The following CABIN1 variants were observed in gnomAD, a reference collection of about 807,000 sequenced individuals.
The protein encoded by CABIN1 is calcineurin binding protein 1, also known as calcineurin-binding protein cabin-1.
A neutral mutation model predicts 227.7 loss-of-function variants in CABIN1; 133 were observed. The ratio of observed to expected loss-of-function variants is 0.58; its 90% CI spans 0.51 to 0.67. The LOEUF (loss-of-function observed/expected upper bound fraction) is 0.67. CABIN1 is among the 30% of genes least tolerant of loss of function. CABIN1 has a pLI of 0.00. For missense variants in CABIN1, 2,408 were observed against 2,852.5 expected (o/e 0.84, Z 3.55); for synonymous variants, 1,086 against 1,155.1 (o/e 0.94, Z 1.21).
At chr22:24,111,670 G>A (rs2042815492) in intron 26 of CABIN1, among the ~76,000 whole-genome samples, 1 of 152,206 alleles carries the variant, frequency 6.6e-6, no homozygotes, top group Non-Finnish European at 1.5e-5. Flanking sequence ...CAAGAATATT[G>A]TACTGCATAT....
Position 24,150,887 on chromosome 22 carries a change from G to T in CABIN1, c.4747-13513G>T, listed in dbSNP as rs560000252. On this transcript the variant is annotated intron_variant, in intron 29 of 36. Coordinates refer to ENST00000263119, the MANE Select transcript of CABIN1 (RefSeq NM_012295.4). The stretch of plus-strand genomic sequence containing the variant: ...GTCCCATTCCCTCACATAAGGGGTG[G>T]GAGGCCTTGGTGCCGTAATGGAGGG... Among the ~76,000 whole-genome samples, 6 of 152,310 alleles carry T rather than the reference G, an allele frequency of 3.9e-5. 1 individual carries two copies. In the South Asian group the frequency reaches 1.2e-3, roughly 32 times the overall value.
Position 24,095,940 on chromosome 22 carries a change from C to T in CABIN1, c.3796C>T (p.Arg1266Trp). Residue 1266 changes from arginine (R) to tryptophan (W), a missense_variant, in exon 25 of 37, where the codon CGG becomes TGG. Around this residue, in one of 3 missense-constraint regions of CABIN1, gnomAD observed 649 missense variants for 910.3 expected, o/e 0.71. Transcript: ENST00000263119. Reference protein sequence around the residue: ...LAMEALEVYFRLHASILKLLG... With the variant: ...LAMEALEVYFWLHASILKLLG... ...GGTGTCGTTCTCCTAGGTGTACTTT[C>T]GGCTCCATGCTTCCATCCTGAAGCT... 1 of 1,614,030 alleles carries T rather than the reference C, an allele frequency of 6.2e-7. No homozygotes were observed. Among genetic ancestry groups the T allele is most frequent in the Non-Finnish European group, 8.5e-7 (1 of 1,179,982 alleles).
intron 15 of CABIN1, among the ~76,000 whole-genome samples, chr22:24,065,554 C>T (rs1409200466): frequency 2.6e-5 from 4 of 151,116 alleles, no homozygotes; most frequent in Non-Finnish European, 5.9e-5. Flanking sequence ...CCTCACATCC[C>T]AGACGATGGC....
chr22:24,023,210 G>A (rs1456759815), intron 1 of CABIN1, among the ~76,000 whole-genome samples: 1 of 152,160 alleles, frequency 6.6e-6, no homozygotes, highest in Non-Finnish European at 1.5e-5. Context: ...TCATGTTATA[G>A]AGCATGTATC....
intron 28 of CABIN1, among the ~76,000 whole-genome samples, chr22:24,120,065 T>G (rs976662446): frequency 2.0e-4 from 30 of 152,282 alleles, no homozygotes; most frequent in African/African-American, 7.0e-4. Flanking sequence ...TCACCCATCG[T>G]CTCAGTGACA....
chr22:24,141,226 A>C (rs1432646736), intron 29 of CABIN1, among the ~76,000 whole-genome samples: 1 of 152,196 alleles, frequency 6.6e-6, no homozygotes, highest in Admixed American at 6.5e-5. Flanking sequence ...GCAGCCTGAG[A>C]TGTGGATGGT....
chr22:24,166,565 C>T (rs532235423), intron 31 of CABIN1, 74 bp from the exon 32 acceptor site: 6 of 1,595,000 alleles, frequency 3.8e-6, no homozygotes, highest in South Asian at 3.3e-5. Flanking sequence ...AGGTTGGGCT[C>T]ACCAGCCCCC....
chr22:24,127,458 A>G (rs1049029519), intron 28 of CABIN1, among the ~76,000 whole-genome samples: 16 of 152,216 alleles, frequency 1.1e-4, no homozygotes, highest in Admixed American at 3.3e-4. Context: ...AGATGGGAGG[A>G]GGCCACAGCA....
chr22:24,079,020 A>C (rs1209443881), intron 19 of CABIN1, among the ~76,000 whole-genome samples: 1 of 152,226 alleles, frequency 6.6e-6, no homozygotes, highest in Admixed American at 6.5e-5. Flanking sequence ...TTACATTGAT[A>C]CAAGTACATC....
rs539051025 is a variant in CABIN1, at chr22:24,132,066, A to G, written c.4633-2236A>G. Among the ~76,000 whole-genome samples the G allele has an allele frequency of 4.6e-5, 7 of 151,682 alleles. No homozygotes were observed. The South Asian group carries it at 1.5e-3, about 32-fold the overall frequency. On this transcript the variant is annotated intron_variant, in intron 28 of 36. Transcript: ENST00000263119. ...TACGGAGTGACACTCTGTCTCCAAA[A>G]AAAAAAAAAAAAAATACAGTGTCCT...
rs374375683 is a variant in CABIN1 at position 24,176,228 on chromosome 22, C to T, written c.6158C>T (p.Pro2053Leu). The part of the protein sequence containing the change: ...TSSPAEPHCW[P>L]AEAALGTGAE... ...TCCCCGGCAGAGCCACACTGCTGGC[C>T]GGCAGAGGCTGCCCTGGGCACAGGC... is the stretch of plus-strand genomic sequence containing the variant. The change falls in exon 35 of 37, where the codon CCG (proline) becomes CTG (leucine). Residue 2053 changes from proline (P) to leucine (L), a missense_variant. By Grantham distance (98) the Pro-to-Leu change is moderately conservative. This residue lies in a region of CABIN1 where 714 missense variants were observed against 773.8 expected (regional missense o/e 0.92). Transcript: ENST00000263119. The T allele has an allele frequency of 1.4e-5, 22 of 1,609,714 alleles. No homozygotes were observed. Among genetic ancestry groups the T allele is most frequent in the East Asian group, 2.2e-5 (1 of 44,666 alleles).
At chr22:24,047,636 G>T (rs2037997627) in intron 6 of CABIN1, among the ~76,000 whole-genome samples, 2 of 152,236 alleles carry the variant, frequency 1.3e-5, no homozygotes, top group African/African-American at 2.4e-5. Flanking sequence ...TGGGGCGTGT[G>T]GCCCTGCTGA....
At position 24,119,542 on chromosome 22, in the gene CABIN1, C is replaced by G; in HGVS notation, c.4476C>G (p.Ala1492=). ...KRGDLPGEPV[A]FPQGLPAGAE... ...GGGACCTCCCAGGGGAGCCAGTGGCCTTCCCCCAGGGGCTGCCGGCTGGTG... is the reference window on the plus strand; with the variant it reads ...GGGACCTCCCAGGGGAGCCAGTGGCGTTCCCCCAGGGGCTGCCGGCTGGTG... The change falls in exon 28 of 37, where the codon GCC becomes GCG. Residue 1492 remains alanine, a synonymous_variant. Transcript: ENST00000263119. The G allele has an allele frequency of 6.2e-7, 1 of 1,613,956 alleles. No individual in the cohort carries two copies. Among genetic ancestry groups the G allele is most frequent in the Non-Finnish European group, 8.5e-7 (1 of 1,180,030 alleles).
intron 19 of CABIN1, among the ~76,000 whole-genome samples, chr22:24,080,724 T>C (rs1324061800): frequency 6.6e-6 from 1 of 152,202 alleles, no homozygotes; most frequent in Non-Finnish European, 1.5e-5. Context: ...ATTTAAATGT[T>C]AGTTTTTCTA....
At chr22:24,158,502 G>C (rs2045968168) in intron 29 of CABIN1, among the ~76,000 whole-genome samples, 1 of 152,184 alleles carries the variant, frequency 6.6e-6, no homozygotes. Flanking sequence ...TGGTGATGTG[G>C]GAAAATACAT....
intron 28 of CABIN1, among the ~76,000 whole-genome samples, chr22:24,121,877 C>G (rs2147959421): frequency 6.6e-6 from 1 of 152,328 alleles, no homozygotes; most frequent in Admixed American, 6.5e-5. Context: ...ATCTGGTGTT[C>G]CCTAGTAGTG....
chr22:24,138,352 G>A (rs931997638), intron 29 of CABIN1, among the ~76,000 whole-genome samples: 6 of 152,160 alleles, frequency 3.9e-5, no homozygotes, highest in Non-Finnish European at 8.8e-5. Flanking sequence ...CTACAGACAT[G>A]CACCACCATG....
chr22:24,162,525 G>A (rs140824391), intron 29 of CABIN1, among the ~76,000 whole-genome samples: 1 of 152,362 alleles, frequency 6.6e-6, no homozygotes, highest in East Asian at 1.9e-4. Flanking sequence ...ACACTAGCTG[G>A]CCTGACCCTG....
chr22:24,033,951 C>T (rs1259823821), intron 1 of CABIN1, among the ~76,000 whole-genome samples: 1 of 152,200 alleles, frequency 6.6e-6, no homozygotes, highest in African/African-American at 2.4e-5. Flanking sequence ...CAGCGGTTCC[C>T]ATCCATTTGG....
Sources: gnomAD v4.1 joint callset for allele counts (sites outside exome capture counted in the v4.1 genomes callset) on GRCh38, gnomAD v4.1.1 for gene constraint, gnomAD v4.1.1 regional missense constraint, MANE v1.5 for transcripts, NCBI Gene and HGNC (gene_info 2026-07-23, HGNC 2026-07-21) for gene names.